GGA1: variants seen among roughly 807,000 people sequenced by gnomAD.
The protein encoded by GGA1 is golgi associated, gamma adaptin ear containing, ARF binding protein 1, also known as ADP-ribosylation factor-binding protein GGA1.
Under a neutral mutation model 76.9 loss-of-function variants are expected in GGA1, and 18 were observed. That is an observed-to-expected ratio of 0.23 (90% CI 0.16 to 0.35). The LOEUF (loss-of-function observed/expected upper bound fraction) is 0.35. Ranked by LOEUF, GGA1 falls within the 10% of genes least tolerant of loss-of-function variation. GGA1 has a pLI of 1.00. For missense variants in GGA1, 755 were observed against 859.0 expected, an observed-to-expected ratio of 0.88 and a Z score of 1.51; for synonymous variants, 342 against 354.7, an observed-to-expected ratio of 0.96 and a Z score of 0.40.
chr22:37,624,854 GCCCCTTTCCCTT>G lies in GGA1; in HGVS notation c.833-109_833-98del. ...AGCAGACGAGATGGGCTGTTTCCCT[GCCCCTTTCCCTT>G]CCCCTCACACACAGGCTGTGATGGA... On this transcript the variant is annotated intron_variant, in intron 9 of 16. Coordinates refer to ENST00000343632, the MANE Select transcript of GGA1 (RefSeq NM_013365.5). The surrounding 1 kb of genome is among the most constrained non-coding windows in gnomAD (Gnocchi z 4.3). 1 of 1,420,378 alleles carries G rather than the reference GCCCCTTTCCCTT, an allele frequency of 7.0e-7. No individual in the cohort carries two copies. The highest frequency in any genetic ancestry group is 9.4e-7 in the Non-Finnish European group (1 of 1,058,628). The allele number at this position is 1,420,378 out of a possible 1,614,324, so 88.0% of individuals were successfully genotyped here. A position where few individuals can be genotyped will look rare whatever the true frequency, so the allele number is the denominator to read the frequency against.
chr22:37,625,840 G>A lies in GGA1; in HGVS notation c.984G>A (p.Pro328=), dbSNP rs534830680. The change falls in exon 11 of 17, where the codon CCG becomes CCA. Residue 328 remains proline (P), a synonymous_variant. Coordinates refer to ENST00000343632, the MANE Select transcript of GGA1 (RefSeq NM_013365.5). The surrounding 1 kb of genome is among the most constrained non-coding windows in gnomAD (Gnocchi z 4.1). ...TGGATCTCTCAGGCCTGGATCTCCC[G>A]CCTGCGGGCACCACCTACCCAGCTA... ...ALLDLSGLDL[P]PAGTTYPAMP... The A allele has an allele frequency of 2.7e-5, 44 of 1,610,872 alleles. No individual in the cohort carries two copies. Among genetic ancestry groups the A allele is most frequent in the Admixed American group, 6.7e-5 (4 of 59,898 alleles).
chr22:37,629,449 G>A lies in GGA1; in HGVS notation c.1094-13G>A. 6.3e-7 allele frequency: 1 copy of A among 1,586,652 alleles called. No individual in the cohort carries two copies. ...AGCCCAGCTCCTTCACCTCTCTCCT[G>A]CTTTCCCCTCAGGCCTCAGTGACCC... On this transcript the variant is annotated splice_polypyrimidine_tract_variant and intron_variant, in intron 11 of 16. Coordinates refer to ENST00000343632, the MANE Select transcript of GGA1 (RefSeq NM_013365.5).
Position 37,609,595 on chromosome 22 carries a change from G to A in GGA1, c.43+692G>A, listed in dbSNP as rs1927108041. Among the ~76,000 whole-genome samples, 3 of 151,960 alleles carry A rather than the reference G, an allele frequency of 2.0e-5. No homozygotes were observed. In the South Asian group the frequency reaches 6.2e-4, roughly 31 times the overall value. ...AGCTCTTGCTGAACTTCCTTCAAAG[G>A]CTTCTACACCCCTTTTTTTCTTGTT... On this transcript the variant is annotated intron_variant, in intron 1 of 16. Coordinates refer to ENST00000343632, the MANE Select transcript of GGA1 (RefSeq NM_013365.5).
At chr22:37,612,874 G>T (rs563682640) in intron 1 of GGA1, 71 of 976,532 alleles carry the variant, frequency 7.3e-5, no homozygotes, top group Non-Finnish European at 8.0e-5. Context: ...CAGTATTGGG[G>T]GTTAAAGGGG....
chr22:37,611,351 C>A (rs1376886743), intron 1 of GGA1, among the ~76,000 whole-genome samples: 1 of 151,736 alleles, frequency 6.6e-6, no homozygotes, highest in Non-Finnish European at 1.5e-5. Flanking sequence ...GCTCCAGAGC[C>A]CTCCGAAAGC....
At chr22:37,618,597 G>A in intron 4 of GGA1, 51 bp downstream of exon 4, 1 of 1,128,372 alleles carries the variant, frequency 8.9e-7, no homozygotes, top group Non-Finnish European at 1.3e-6. Context: ...TGTGGGGAGA[G>A]GAAAGAGGAC....
intron 13 of GGA1, 27 bp downstream of exon 13, chr22:37,630,197 G>C: frequency 5.3e-6 from 8 of 1,518,818 alleles, no homozygotes; most frequent in Non-Finnish European, 7.1e-6. Flanking sequence ...GCTGGCATGG[G>C]GTGGGGAGCA....
Position 37,623,792 on chromosome 22 carries a change from A to G in GGA1, c.832+159A>G, listed in dbSNP as rs1422848282. The G allele has an allele frequency of 3.3e-6, 2 of 609,796 alleles. No homozygotes were observed. Among genetic ancestry groups the G allele is most frequent in the Non-Finnish European group, 5.9e-6 (2 of 337,784 alleles). 37.8% of individuals were successfully genotyped at this position (609,796 alleles called of 1,614,324 possible). ...CCTTGGGTTTCTCCTCTCTGAGGAC[A>G]CAGAGCAGGGGCCGCCCCCCTGTTG... On this transcript the variant is annotated intron_variant, in intron 9 of 16. Coordinates refer to ENST00000343632, the MANE Select transcript of GGA1 (RefSeq NM_013365.5). The surrounding 1 kb of genome is among the most constrained non-coding windows in gnomAD (Gnocchi z 4.6).
Position 37,624,584 on chromosome 22 carries a change from A to C in GGA1, c.833-385A>C. 5.8e-6 allele frequency: 1 copy of C among 173,534 alleles called. No homozygotes were observed. Among genetic ancestry groups the C allele is most frequent in the Non-Finnish European group, 1.3e-5 (1 of 79,766 alleles). 10.7% of individuals were successfully genotyped at this position (173,534 alleles called of 1,614,324 possible). ...TGGCATGGAGGAAGAGAAGCAGGGAAGGGATGAGGTGGTGCAGGAGGGATT... is the reference window on the plus strand; with the variant it reads ...TGGCATGGAGGAAGAGAAGCAGGGACGGGATGAGGTGGTGCAGGAGGGATT... On this transcript the variant is annotated intron_variant, in intron 9 of 16. Coordinates refer to ENST00000343632, the MANE Select transcript of GGA1 (RefSeq NM_013365.5). This position sits in a 1 kb window ranked among gnomAD's most constrained non-coding sequence, Gnocchi z 4.3.
At position 37,630,098 on chromosome 22, in the gene GGA1, T is replaced by G. The variant is rs748705152; in HGVS notation, c.1259T>G (p.Leu420Arg). 1 of 1,611,004 alleles carries G rather than the reference T, an allele frequency of 6.2e-7. No homozygotes were observed. Among genetic ancestry groups the G allele is most frequent in the Non-Finnish European group, 8.5e-7 (1 of 1,178,436 alleles). ...AQTSLPASSG[L>R]DDLDLLGKTL... Reference sequence around the variant, plus strand: ...ACATCCCTGCCAGCAAGCAGCGGTCTGGACGACCTAGACCTCCTGGGGAAG... The same window carrying G: ...ACATCCCTGCCAGCAAGCAGCGGTCGGGACGACCTAGACCTCCTGGGGAAG... Residue 420 changes from leucine (L) to arginine (R), a missense_variant, in exon 13 of 17, where the codon CTG (leucine) becomes CGG (arginine). Coordinates refer to ENST00000343632, the MANE Select transcript of GGA1 (RefSeq NM_013365.5).
chr22:37,619,813 G>A (rs372888372), intron 4 of GGA1: 14 of 778,344 alleles, frequency 1.8e-5, no homozygotes, highest in Non-Finnish European at 3.1e-5. Flanking sequence ...ACTCTGCTGT[G>A]AGAGCCACTT....
chr22:37,614,391 A>G, intron 2 of GGA1, 117 bp downstream of exon 2: 1 of 728,376 alleles, frequency 1.4e-6, no homozygotes, highest in East Asian at 2.7e-5. Flanking sequence ...TCACAAAGTG[A>G]TGAGGATGGG....
chr22:37,620,966 TG>T, intron 6 of GGA1, 53 bp downstream of exon 6: 1 of 1,106,404 alleles, frequency 9.0e-7, no homozygotes. Flanking sequence ...TGGGGGTCCG[TG>T]GGTTCTGACC....
At position 37,617,691 on chromosome 22, in the gene GGA1, C is replaced by T. The variant is rs1929070477; in HGVS notation, c.204+694C>T. The T allele has an allele frequency of 6.3e-6, 4 of 635,806 alleles. No individual in the cohort carries two copies. The South Asian group carries it at 2.9e-4, about 45-fold the overall frequency. 39.4% of individuals were successfully genotyped at this position (635,806 alleles called of 1,614,324 possible). A position where few individuals can be genotyped will look rare whatever the true frequency, so the allele number is the denominator to read the frequency against. ...TCCAGACTGGACAACAGAGTGAGACCCCATCTCTAAATAATAATCATTATT... is the reference window on the plus strand; with the variant it reads ...TCCAGACTGGACAACAGAGTGAGACTCCATCTCTAAATAATAATCATTATT... On this transcript the variant is annotated intron_variant, in intron 3 of 16. Transcript: ENST00000343632.
At chr22:37,609,465 C>G in intron 1 of GGA1, 1 of 302,118 alleles carries the variant, frequency 3.3e-6, no homozygotes, top group South Asian at 4.8e-5. Flanking sequence ...GAAACCCCCG[C>G]ACCCTACAGG....
intron 14 of GGA1, 94 bp downstream of exon 14, chr22:37,631,193 C>A: frequency 1.9e-6 from 2 of 1,061,582 alleles, no homozygotes; most frequent in Non-Finnish European, 2.7e-6. Context: ...AAGCAGGGCT[C>A]CCCTGGCTCT....
In GGA1 at chr22:37,632,030, C is replaced by T. The variant is rs370489779; in HGVS notation, c.1563C>T (p.His521=). 21 of 1,613,062 alleles carry T rather than the reference C, an allele frequency of 1.3e-5. No individual in the cohort carries two copies. Among genetic ancestry groups the T allele is most frequent in the African/African-American group, 5.3e-5 (4 of 75,056 alleles). ...TGCCCGTGACTGTGTATGACCAGCACGGCTTCCGCATCCTCTTCCATTTTG... is the reference window on the plus strand; with the variant it reads ...TGCCCGTGACTGTGTATGACCAGCATGGCTTCCGCATCCTCTTCCATTTTG... ...NILPVTVYDQ[H]GFRILFHFAR... is the part of the protein sequence containing the mutation. The change falls in exon 15 of 17, where the codon CAC becomes CAT. Residue 521 remains histidine (H), a synonymous_variant. Transcript: ENST00000343632. This position sits in a 1 kb window ranked among gnomAD's most constrained non-coding sequence, Gnocchi z 5.1.
intron 2 of GGA1, among the ~76,000 whole-genome samples, chr22:37,614,687 C>T (rs1454306387): frequency 6.6e-6 from 1 of 152,202 alleles, no homozygotes; most frequent in Non-Finnish European, 1.5e-5. Context: ...TTAGAATCAC[C>T]TAGAATGTTG....
rs1930527751 is a variant in GGA1 at position 37,624,886 on chromosome 22, G to A, written c.833-83G>A. On this transcript the variant is annotated intron_variant, in intron 9 of 16. Coordinates refer to ENST00000343632, the MANE Select transcript of GGA1 (RefSeq NM_013365.5). This position sits in a 1 kb window ranked among gnomAD's most constrained non-coding sequence, Gnocchi z 4.3. ...TCCCTTCCCCTCACACACAGGCTGT[G>A]ATGGATGTGGGGTCCTCGTCCCCTG... 1.3e-6 allele frequency: 2 copies of A among 1,512,650 alleles called. No individual in the cohort carries two copies. Among genetic ancestry groups the A allele is most frequent in the Admixed American group, 2.0e-5 (1 of 49,812 alleles). 93.7% of individuals were successfully genotyped at this position (1,512,650 alleles called of 1,614,324 possible).
Sources: allele counts gnomAD v4.1 joint callset (sites outside exome capture counted in the v4.1 genomes callset), GRCh38; gene constraint gnomAD v4.1.1; non-coding constraint Gnocchi (gnomAD v3.1); transcripts MANE v1.5; gene names NCBI Gene and HGNC (gene_info 2026-07-23, HGNC 2026-07-21).